PRRX1: variants seen among roughly 807,000 people sequenced by gnomAD.
The protein encoded by PRRX1 is paired mesoderm homeobox protein 1.
A neutral mutation model predicts 24.0 loss-of-function variants in PRRX1; 8 were observed. The observed-to-expected ratio is 0.33, with a 90% CI of 0.20 to 0.60. The LOEUF is 0.60. Among genes scored for constraint, PRRX1 ranks in the 20% least tolerant of loss-of-function variants. The pLI, the probability that PRRX1 is intolerant of heterozygous loss-of-function variation, is 0.82. For missense variants in PRRX1, 281 were observed against 322.4 expected, an observed-to-expected ratio of 0.87 and a Z score of 0.98; for synonymous variants, 160 against 131.7, an observed-to-expected ratio of 1.22 and a Z score of -1.47.
At chr1:170,692,679 T>A (rs1654031192) in intron 1 of PRRX1, among the ~76,000 whole-genome samples, 1 of 150,318 alleles carries the variant, frequency 6.7e-6, no homozygotes, top group African/African-American at 2.5e-5. Flanking sequence ...TTCATGGAAA[T>A]AAGTGGAAGA....
At chr1:170,695,284 G>A (rs1404518899) in intron 1 of PRRX1, among the ~76,000 whole-genome samples, 1 of 152,118 alleles carries the variant, frequency 6.6e-6, no homozygotes, top group Non-Finnish European at 1.5e-5. Context: ...TGGAAACTGA[G>A]CCCCTACATA....
chr1:170,698,866 G>A (rs1246263356), intron 1 of PRRX1, among the ~76,000 whole-genome samples: 2 of 152,112 alleles, frequency 1.3e-5, no homozygotes, highest in East Asian at 3.9e-4. Flanking sequence ...GGCTAAGGAA[G>A]TGTCAAGGGG....
intron 1 of PRRX1, among the ~76,000 whole-genome samples, chr1:170,677,507 G>A (rs1653363900): frequency 1.3e-5 from 2 of 152,174 alleles, no homozygotes; most frequent in Admixed American, 6.5e-5. Flanking sequence ...TTTCAGGCAT[G>A]GATATATGTC....
chr1:170,691,104 C>T (rs979041541), intron 1 of PRRX1, among the ~76,000 whole-genome samples: 1 of 152,072 alleles, frequency 6.6e-6, no homozygotes, highest in African/African-American at 2.4e-5. Context: ...GGTAATGTAG[C>T]CTTTCAAGTG....
intron 3 of PRRX1, chr1:170,730,533 T>C (rs76964094): frequency 0.052 from 30,614 of 587,902 alleles, 1,027 homozygotes; most frequent in Middle Eastern, 0.1. Flanking sequence ...AGTGTGATAC[T>C]AATCTAGAGC....
chr1:170,673,139 C>T (rs1018986321), intron 1 of PRRX1, among the ~76,000 whole-genome samples: 1 of 152,120 alleles, frequency 6.6e-6, no homozygotes, highest in Non-Finnish European at 1.5e-5. Context: ...GACTGGATAT[C>T]ATTCTGTTTT....
intron 1 of PRRX1, among the ~76,000 whole-genome samples, chr1:170,707,395 T>G (rs919672533): frequency 8.5e-5 from 13 of 152,080 alleles, no homozygotes; most frequent in Middle Eastern, 6.8e-3. Context: ...CTTTTAACTC[T>G]CTTGTTGGCC....
intron 3 of PRRX1, among the ~76,000 whole-genome samples, chr1:170,730,977 A>T (rs532711503): frequency 4.7e-4 from 71 of 152,354 alleles, no homozygotes; most frequent in African/African-American, 1.7e-3. Flanking sequence ...TAGCAGAAAG[A>T]TCACTGAACA....
At chr1:170,682,570 G>A (rs1414990150) in intron 1 of PRRX1, among the ~76,000 whole-genome samples, 1 of 152,028 alleles carries the variant, frequency 6.6e-6, no homozygotes, top group African/African-American at 2.4e-5. Context: ...TATGTTTGTA[G>A]AACAGACTTC....
chr1:170,722,440 G>A (rs1215642407), intron 2 of PRRX1, among the ~76,000 whole-genome samples: 1 of 152,152 alleles, frequency 6.6e-6, no homozygotes, highest in African/African-American at 2.4e-5. Flanking sequence ...TTGTTTTGCT[G>A]GGGATGAATA....
At chr1:170,676,932 T>C (rs1653340948) in intron 1 of PRRX1, among the ~76,000 whole-genome samples, 2 of 152,176 alleles carry the variant, frequency 1.3e-5, no homozygotes, top group South Asian at 4.1e-4. Context: ...ATCTTCTTCA[T>C]GCTAACACAG....
At chr1:170,720,003 C>T (rs1172047327) in intron 2 of PRRX1, 102 bp downstream of exon 2, 3 of 1,449,052 alleles carry the variant, frequency 2.1e-6, no homozygotes, top group African/African-American at 1.4e-5. Flanking sequence ...CACAGTGGCT[C>T]ATGCCTGCAA....
intron 1 of PRRX1, among the ~76,000 whole-genome samples, chr1:170,671,975 GC>G (rs947703645): frequency 2.0e-5 from 3 of 152,324 alleles, no homozygotes; most frequent in African/African-American, 7.2e-5. Flanking sequence ...TGCCACAGAA[GC>G]CCTCACAGTG....
intron 3 of PRRX1, among the ~76,000 whole-genome samples, chr1:170,732,967 T>G (rs1011552955): frequency 6.6e-6 from 1 of 152,130 alleles, no homozygotes; most frequent in South Asian, 2.1e-4. Context: ...TTCTTTACTG[T>G]GGAAAAGCAG....
At chr1:170,702,863 T>C (rs1285588123) in intron 1 of PRRX1, among the ~76,000 whole-genome samples, 1 of 152,114 alleles carries the variant, frequency 6.6e-6, no homozygotes, top group East Asian at 1.9e-4. Context: ...TTGGGTGAAA[T>C]GGATGGGTAG....
At chr1:170,662,974 A>G (rs908077483), upstream of PRRX1, 4 of 152,096 alleles carry the variant, frequency 2.6e-5, no homozygotes, top group African/African-American at 7.2e-5. Context: ...CAGGGGAATG[A>G]TAATTAGACC....
At chr1:170,726,624 C>G (rs1655267103) in intron 3 of PRRX1, 2 of 538,978 alleles carry the variant, frequency 3.7e-6, no homozygotes, top group Non-Finnish European at 6.5e-6. Flanking sequence ...CACCAATCTC[C>G]TCTTGGACTC....
At chr1:170,673,652 G>A (rs369396126) in intron 1 of PRRX1, among the ~76,000 whole-genome samples, 3 of 152,024 alleles carry the variant, frequency 2.0e-5, no homozygotes, top group African/African-American at 4.8e-5. Flanking sequence ...AACGTGCTTC[G>A]ACCTCAAAAT....
upstream of PRRX1, chr1:170,664,037 C>T: frequency 5.3e-6 from 3 of 567,908 alleles, no homozygotes; most frequent in South Asian, 7.1e-5. Context: ...CCCCCACCCT[C>T]TTTTCCAATT....
Sources: gnomAD v4.1 joint callset for allele counts (sites outside exome capture counted in the v4.1 genomes callset) on GRCh38, gnomAD v4.1.1 for gene constraint, MANE v1.5 for transcripts, NCBI Gene and HGNC (gene_info 2026-07-23, HGNC 2026-07-21) for gene names.